PLD1: variants seen among roughly 807,000 people sequenced by gnomAD.
PLD1 encodes phospholipase D1, also known as choline phosphatase 1.
In PLD1, 112 loss-of-function variants were observed where a neutral mutation model predicts 137.1. The observed-to-expected ratio is 0.82, with a 90% CI of 0.70 to 0.96. PLD1 has a LOEUF of 0.96. Among genes scored for constraint, PLD1 ranks in the 40% least tolerant of loss-of-function variants. The pLI, the probability that PLD1 is intolerant of heterozygous loss-of-function variation, is 0.00. For missense variants in PLD1, 1,321 were observed against 1,342.0 expected, an observed-to-expected ratio of 0.98 and a Z score of 0.24; for synonymous variants, 431 against 454.7, an observed-to-expected ratio of 0.95 and a Z score of 0.66.
At chr3:171,749,731 C>T (rs1720519557) in intron 1 of PLD1, among the ~76,000 whole-genome samples, 1 of 152,150 alleles carries the variant, frequency 6.6e-6, no homozygotes, top group Non-Finnish European at 1.5e-5. Context: ...GAACAAACTT[C>T]ACAGCAATCA....
chr3:171,803,266 CCTTT>C (rs745651290), intron 1 of PLD1, among the ~76,000 whole-genome samples: 51 of 152,196 alleles, frequency 3.4e-4, no homozygotes, highest in Non-Finnish European at 6.3e-4. Context: ...TAAGCGTATT[CCTTT>C]CTCCCCAACC....
intron 21 of PLD1, among the ~76,000 whole-genome samples, chr3:171,646,717 A>T (rs1015496796): frequency 4.6e-5 from 7 of 151,928 alleles, no homozygotes; most frequent in Admixed American, 4.6e-4. Context: ...CTATTAAGCT[A>T]TTTCCCCACA....
At chr3:171,651,592 T>TTATGAA (rs1736772828) in intron 21 of PLD1, among the ~76,000 whole-genome samples, 1 of 152,146 alleles carries the variant, frequency 6.6e-6, no homozygotes, top group Non-Finnish European at 1.5e-5. Flanking sequence ...ACTTCATAGA[T>TTATGAA]TATGAACTAT....
intron 1 of PLD1, among the ~76,000 whole-genome samples, chr3:171,784,370 GAA>G (rs768555721): frequency 7.5e-5 from 10 of 132,966 alleles, no homozygotes; most frequent in South Asian, 2.5e-4. Context: ...TTCTCAGAAG[GAA>G]AAAAAAAAAA....
At chr3:171,725,661 A>G (rs1295698651) in intron 7 of PLD1, among the ~76,000 whole-genome samples, 1 of 152,246 alleles carries the variant, frequency 6.6e-6, no homozygotes, top group Non-Finnish European at 1.5e-5. Flanking sequence ...AATCATCAAA[A>G]TGAGTAGTAA....
At chr3:171,745,749 G>A (rs114563664) in intron 1 of PLD1, among the ~76,000 whole-genome samples, 5,122 of 152,270 alleles carry the variant, frequency 0.034, 314 homozygotes, top group African/African-American at 0.12. Flanking sequence ...GTCCTCACTC[G>A]CTCTTGGCAC....
At chr3:171,610,675 T>A (rs1732576014) in intron 25 of PLD1, among the ~76,000 whole-genome samples, 1 of 152,234 alleles carries the variant, frequency 6.6e-6, no homozygotes, top group Non-Finnish European at 1.5e-5. Flanking sequence ...GAAGTATTTG[T>A]CTTTTATGTA....
Position 171,708,834 on chromosome 3 carries a change from C to T in PLD1, c.1066G>A (p.Val356Ile), listed in dbSNP as rs771377607. Residue 356 changes from valine (V) to isoleucine (I), a missense_variant, in exon 11 of 27, where the codon GTT (valine) becomes ATT (isoleucine). Val to Ile is a conservative substitution (Grantham distance 29). Coordinates refer to ENST00000351298, the MANE Select transcript of PLD1 (RefSeq NM_002662.5). The stretch of plus-strand genomic sequence containing the variant: ...TCTTCAAAATATCCTTTGGCATTAA[C>T]ATACCTGAAAGACAAGTTTATTGTT... The part of the protein sequence containing the change: ...IQENALAKWY[V>I]NAKGYFEDVA... The T allele has an allele frequency of 4.5e-6, 7 of 1,558,030 alleles. No individual in the cohort carries two copies. In the African/African-American group the frequency reaches 9.5e-5, roughly 21 times the overall value.
chr3:171,775,565 C>T (rs1463178521), intron 1 of PLD1, among the ~76,000 whole-genome samples: 1 of 151,794 alleles, frequency 6.6e-6, no homozygotes, highest in Non-Finnish European at 1.5e-5. Flanking sequence ...GGAAAGAGCC[C>T]AGCGCAGTGG....
chr3:171,808,412 T>C (rs1723960668), intron 1 of PLD1, among the ~76,000 whole-genome samples: 1 of 152,022 alleles, frequency 6.6e-6, no homozygotes, highest in African/African-American at 2.4e-5. Context: ...AGCAGGCGCC[T>C]GTTTTCCCAG....
At chr3:171,705,466 G>A (rs950997230) in intron 11 of PLD1, among the ~76,000 whole-genome samples, 1 of 152,066 alleles carries the variant, frequency 6.6e-6, no homozygotes, top group African/African-American at 2.4e-5. Context: ...AAATCATGGA[G>A]GCCAGAATGA....
intron 23 of PLD1, among the ~76,000 whole-genome samples, chr3:171,622,891 A>T: frequency 1.3e-5 from 2 of 151,982 alleles, no homozygotes; most frequent in African/African-American, 4.8e-5. Context: ...TTATATACAC[A>T]AAACAATAAC....
At chr3:171,707,486 G>C (rs543344383) in intron 11 of PLD1, among the ~76,000 whole-genome samples, 1 of 152,206 alleles carries the variant, frequency 6.6e-6, no homozygotes, top group Non-Finnish European at 1.5e-5. Flanking sequence ...CAAAGAAATA[G>C]CTCCTAAGCA....
In PLD1 at chr3:171,728,315, A is replaced by AAAAC. The variant is rs775537037; in HGVS notation, c.607-2243_607-2240dup. On this transcript the variant is annotated intron_variant, in intron 6 of 26. Transcript: ENST00000351298. ...TGGGCAACACAGCAGGACTGTCTCA[A>AAAAC]AAACAAACAAACAAACAAAAAACAC... Among the ~76,000 whole-genome samples the AAAAC allele has an allele frequency of 8.6e-4, 131 of 152,310 alleles. 1 individual carries two copies. Among genetic ancestry groups the AAAAC allele is most frequent in the Middle Eastern group, 3.4e-3 (1 of 294 alleles).
chr3:171,605,303 T>C lies in PLD1; in HGVS notation c.2996A>G (p.Asp999Gly). Reference protein sequence around the residue: ...STAARNATIYDKVFRCLPNDE... With the variant: ...STAARNATIYGKVFRCLPNDE... ...AGGGGAATACGTGAACTTCACCTTG[T>C]CATAAATTGTAGCATTTCGAGCTGC... The change falls in exon 26 of 27, where the codon GAC becomes GGC. Residue 999 changes from aspartate to glycine, a missense_variant. By Grantham distance (94) the Asp-to-Gly change is moderately conservative. Transcript: ENST00000351298. The C allele has an allele frequency of 1.9e-6, 3 of 1,570,052 alleles. No individual in the cohort carries two copies. The highest frequency in any genetic ancestry group is 2.6e-6 in the Non-Finnish European group (3 of 1,139,746).
chr3:171,691,641 A>G (rs1053881967), intron 13 of PLD1, among the ~76,000 whole-genome samples: 4 of 152,192 alleles, frequency 2.6e-5, no homozygotes, highest in South Asian at 2.1e-4. Context: ...TTTAGTGGGT[A>G]CTTGATAGAA....
In PLD1 at chr3:171,602,838, A is replaced by G; in HGVS notation, c.*240T>C. 1 of 547,388 alleles carries G rather than the reference A, an allele frequency of 1.8e-6. No individual in the cohort carries two copies. The highest frequency in any genetic ancestry group is 3.0e-5 in the East Asian group (1 of 33,264). The allele number at this position is 547,388 out of a possible 1,614,324, so 33.9% of individuals were successfully genotyped here. On this transcript the variant is annotated 3_prime_UTR_variant, in exon 27 of 27. Coordinates refer to ENST00000351298, the MANE Select transcript of PLD1 (RefSeq NM_002662.5). ...ATATGTGTTTTACTCAACAGAGTAC[A>G]TGCTACCAACAAGAATGCAGCCCCC...
chr3:171,677,011 C>T (rs532473128), intron 17 of PLD1, among the ~76,000 whole-genome samples, 178 bp from the exon 18 acceptor site: 12 of 152,358 alleles, frequency 7.9e-5, no homozygotes, highest in African/African-American at 2.9e-4. Context: ...CATTCAGGGA[C>T]ATAGTCTCCC....
At chr3:171,768,019 T>C (rs989336520) in intron 1 of PLD1, among the ~76,000 whole-genome samples, 59 of 151,752 alleles carry the variant, frequency 3.9e-4, no homozygotes, top group African/African-American at 1.3e-3. Context: ...TCATTATTAT[T>C]ATTATTATTA....
Sources: allele counts gnomAD v4.1 joint callset (sites outside exome capture counted in the v4.1 genomes callset), GRCh38; gene constraint gnomAD v4.1.1; transcripts MANE v1.5; gene names NCBI Gene and HGNC (gene_info 2026-07-23, HGNC 2026-07-21).